The following LAMA2 variants were observed in gnomAD, a reference collection of about 807,000 sequenced individuals.
The protein encoded by LAMA2 is laminin subunit alpha-2.
A neutral mutation model predicts 364.8 loss-of-function variants in LAMA2; 269 were observed. The observed-to-expected ratio is 0.74, with a 90% CI of 0.67 to 0.82. LAMA2 has a LOEUF of 0.82. LAMA2 is among the 40% of genes least tolerant of loss of function. LAMA2 has a pLI of 0.00. For synonymous variants in LAMA2, 1,379 were observed against 1,370.6 expected (o/e 1.01, Z -0.14); for missense variants, 3,807 against 3,873.2 (o/e 0.98, Z 0.45).
intron 1 of LAMA2, among the ~76,000 whole-genome samples, chr6:129,027,424 C>T (rs1451191865): frequency 2.0e-5 from 3 of 151,902 alleles, no homozygotes; most frequent in African/African-American, 4.8e-5. Flanking sequence ...GCTAACATGT[C>T]GTAAGTGAAT....
intron 45 of LAMA2, among the ~76,000 whole-genome samples, chr6:129,450,515 G>A (rs1312029698): frequency 4.0e-5 from 6 of 151,832 alleles, no homozygotes; most frequent in African/African-American, 1.5e-4. Flanking sequence ...TAGAGACAGG[G>A]TTTCACCATG....
chr6:129,292,481 T>G (rs1789774344), intron 20 of LAMA2, among the ~76,000 whole-genome samples: 1 of 152,220 alleles, frequency 6.6e-6, no homozygotes, highest in Non-Finnish European at 1.5e-5. Flanking sequence ...ATCAAGATAT[T>G]TTTAAAGATG....
At position 129,231,880 on chromosome 6, in the gene LAMA2, G is replaced by A. The variant is rs545322729; in HGVS notation, c.1783-18232G>A. Among the ~76,000 whole-genome samples the A allele has an allele frequency of 4.6e-5, 7 of 152,020 alleles. No homozygotes were observed. In the South Asian group the frequency reaches 1.0e-3, roughly 23 times the overall value. ...GAAGAAAATGTCCAGCTTCTGAAAT[G>A]GCATGCCATTAGATATTAGTGACAT... On this transcript the variant is annotated intron_variant, in intron 12 of 64. Transcript: ENST00000421865.
At chr6:129,482,702 CA>C (rs1240599832) in intron 55 of LAMA2, among the ~76,000 whole-genome samples, 3 of 151,932 alleles carry the variant, frequency 2.0e-5, no homozygotes, top group Admixed American at 2.0e-4. Context: ...AAAGAGAACC[CA>C]AAGATGTATA....
chr6:129,067,525 CATT>C (rs1789450622), intron 3 of LAMA2, among the ~76,000 whole-genome samples: 1 of 152,196 alleles, frequency 6.6e-6, no homozygotes, highest in Non-Finnish European at 1.5e-5. Context: ...ACAGCAATCT[CATT>C]AGTACAGATC....
chr6:129,312,152 GA>G (rs5879943), intron 22 of LAMA2, among the ~76,000 whole-genome samples: 82,334 of 148,398 alleles, frequency 0.55, 24,210 homozygotes, highest in African/African-American at 0.76. Flanking sequence ...TAAGTTGATG[GA>G]AAAAAAAAAA....
intron 9 of LAMA2, 54 bp downstream of exon 9, chr6:129,165,729 A>C: frequency 9.8e-7 from 1 of 1,020,950 alleles, no homozygotes; most frequent in South Asian, 1.3e-5. Flanking sequence ...CTAAAAGCCA[A>C]ATATGATTAT....
At position 129,491,830 on chromosome 6, in the gene LAMA2, G is replaced by A. The variant is rs530811119; in HGVS notation, c.7899-71G>A. The A allele has an allele frequency of 3.8e-5, 49 of 1,278,184 alleles. No individual in the cohort carries two copies. In the African/African-American group the frequency reaches 5.6e-4, roughly 15 times the overall value. The allele number at this position is 1,278,184 out of a possible 1,614,324, so 79.2% of individuals were successfully genotyped here. ...GGTTGAGAGGGGTGAAGGGTGGCAG[G>A]AAAGAATTTGATTTCCAACTGTATT... On this transcript the variant is annotated intron_variant, in intron 56 of 64. Transcript: ENST00000421865.
At chr6:128,927,529 C>T (rs185567863) in intron 1 of LAMA2, among the ~76,000 whole-genome samples, 101 of 152,194 alleles carry the variant, frequency 6.6e-4, no homozygotes, top group Non-Finnish European at 9.4e-4. Flanking sequence ...CCTTCCAGAA[C>T]GTACAACTTA....
At chr6:128,985,698 C>T (rs1346175060) in intron 1 of LAMA2, among the ~76,000 whole-genome samples, 1 of 151,866 alleles carries the variant, frequency 6.6e-6, no homozygotes, top group Non-Finnish European at 1.5e-5. Context: ...TCATCTGTAA[C>T]CCTACCAACT....
At chr6:128,945,973 C>G (rs181190677) in intron 1 of LAMA2, among the ~76,000 whole-genome samples, 100 of 152,300 alleles carry the variant, frequency 6.6e-4, no homozygotes, top group Non-Finnish European at 1.3e-3. Flanking sequence ...GTCTAGTTCT[C>G]AGAGAGCTTT....
intron 9 of LAMA2, among the ~76,000 whole-genome samples, chr6:129,173,836 C>G (rs1270004429): frequency 6.6e-6 from 1 of 152,014 alleles, no homozygotes; most frequent in Non-Finnish European, 1.5e-5. Context: ...CATTTGATTA[C>G]GAGGGAAATA....
intron 1 of LAMA2, among the ~76,000 whole-genome samples, chr6:128,948,911 G>A (rs1263751366): frequency 6.6e-6 from 1 of 152,156 alleles, no homozygotes; most frequent in East Asian, 1.9e-4. Context: ...GCAGAACAGA[G>A]AACCAATTAA....
intron 8 of LAMA2, among the ~76,000 whole-genome samples, chr6:129,164,993 A>G (rs1480059461): frequency 6.6e-6 from 1 of 152,184 alleles, no homozygotes; most frequent in Non-Finnish European, 1.5e-5. Flanking sequence ...GAATGAATGT[A>G]TCTTAAACAA....
chr6:129,318,533 G>A (rs1334186595), intron 27 of LAMA2, among the ~76,000 whole-genome samples: 6 of 152,132 alleles, frequency 3.9e-5, no homozygotes, highest in African/African-American at 1.4e-4. Flanking sequence ...GGAGAATGAA[G>A]CCAGTAGCTC....
chr6:129,208,581 A>G (rs949566296), intron 12 of LAMA2, among the ~76,000 whole-genome samples: 1 of 150,470 alleles, frequency 6.6e-6, no homozygotes, highest in African/African-American at 2.4e-5. Flanking sequence ...AAAGAGAAAG[A>G]AAGGAGGAAG....
chr6:129,307,870 C>G (rs1043899512), intron 22 of LAMA2, among the ~76,000 whole-genome samples: 1 of 152,080 alleles, frequency 6.6e-6, no homozygotes, highest in Non-Finnish European at 1.5e-5. Flanking sequence ...CCAATTGATT[C>G]CACTGGGTTG....
chr6:129,515,336 T>TTGA (rs1160998693), intron 64 of LAMA2, among the ~76,000 whole-genome samples: 16 of 152,214 alleles, frequency 1.1e-4, no homozygotes, highest in Admixed American at 5.2e-4. Flanking sequence ...CAGAGCAATG[T>TTGA]TGATAGAAAT....
chr6:129,366,816 T>A (rs1777804261), intron 33 of LAMA2, among the ~76,000 whole-genome samples: 1 of 152,208 alleles, frequency 6.6e-6, no homozygotes. Flanking sequence ...CCAGAGATGA[T>A]GTGGTAACTC....
Sources: allele counts gnomAD v4.1 joint callset (sites outside exome capture counted in the v4.1 genomes callset), GRCh38; gene constraint gnomAD v4.1.1; transcripts MANE v1.5; gene names NCBI Gene and HGNC (gene_info 2026-07-23, HGNC 2026-07-21).